Variants in ESRRG observed in about 807,000 individuals in gnomAD.
ESRRG encodes estrogen-related receptor gamma.
In ESRRG, 13 loss-of-function variants were observed where a neutral mutation model predicts 44.0. The observed-to-expected ratio is 0.30, with a 90% CI of 0.19 to 0.47. ESRRG has a LOEUF of 0.47. ESRRG is among the 20% of genes least tolerant of loss of function. The pLI, the probability that ESRRG is intolerant of heterozygous loss-of-function variation, is 1.00. For missense variants in ESRRG, 395 were observed against 580.6 expected (o/e 0.68, Z 3.29); for synonymous variants, 215 against 214.6 (o/e 1.00, Z -0.02).
At chr1:216,697,411 T>C (rs894468982) in intron 1 of ESRRG, among the ~76,000 whole-genome samples, 3 of 152,246 alleles carry the variant, frequency 2.0e-5, no homozygotes, top group Admixed American at 6.5e-5. Context: ...TTAAGCACTT[T>C]AGTAATGTAG....
intron 1 of ESRRG, among the ~76,000 whole-genome samples, chr1:216,705,564 A>G (rs1293988485): frequency 6.6e-6 from 1 of 152,186 alleles, no homozygotes; most frequent in African/African-American, 2.4e-5. Flanking sequence ...AAACAGGCTG[A>G]GCATTATCTA....
intron 2 of ESRRG, among the ~76,000 whole-genome samples, chr1:216,838,544 A>C (rs2095603679): frequency 6.6e-6 from 1 of 152,168 alleles, no homozygotes; most frequent in Non-Finnish European, 1.5e-5. Context: ...ACTGGCCTAG[A>C]TAGGGATCAA....
intron 2 of ESRRG, among the ~76,000 whole-genome samples, chr1:216,833,746 C>T (rs1411275431): frequency 6.6e-6 from 1 of 152,146 alleles, no homozygotes; most frequent in African/African-American, 2.4e-5. Flanking sequence ...TATCACTGTT[C>T]ATCTGAAAAG....
intron 2 of ESRRG, among the ~76,000 whole-genome samples, chr1:216,824,240 A>C (rs2095352048): frequency 2.0e-5 from 3 of 152,104 alleles, no homozygotes; most frequent in Admixed American, 2.0e-4. Context: ...TGAGGTCAGG[A>C]GTTTGAGACC....
intron 1 of ESRRG, among the ~76,000 whole-genome samples, chr1:216,973,243 T>C (rs1339214): frequency 0.49 from 73,716 of 151,986 alleles, 19,653 homozygotes; most frequent in East Asian, 0.73. Flanking sequence ...GCCACAGCCA[T>C]GATACCGGCC....
In ESRRG at chr1:217,085,985, A is replaced by T. The variant is rs575195552; in HGVS notation, c.-106+3522T>A. On this transcript the variant is annotated intron_variant, in intron 1 of 7. Transcript: ENST00000359162. ...TTCACAGCTTTAACAAACTGACAAC[A>T]AAGTGACAAGAGAAAACTTCTTCCT... 2.6e-5 allele frequency among the ~76,000 whole-genome samples: 4 copies of T among 152,316 alleles called. No homozygotes were observed. The South Asian group carries it at 8.3e-4, about 32-fold the overall frequency.
chr1:216,992,276 G>C (rs937601616), intron 1 of ESRRG, among the ~76,000 whole-genome samples: 5 of 152,152 alleles, frequency 3.3e-5, no homozygotes, highest in Non-Finnish European at 7.3e-5. Flanking sequence ...TTCACTAATG[G>C]AGAAGCCTCT....
chr1:216,810,835 G>T (rs2094948134), intron 2 of ESRRG, among the ~76,000 whole-genome samples: 1 of 148,726 alleles, frequency 6.7e-6, no homozygotes, highest in Non-Finnish European at 1.5e-5. Flanking sequence ...ATAACTCTAT[G>T]ATATGTGTGT....
At chr1:216,644,988 T>C (rs990292864) in intron 3 of ESRRG, among the ~76,000 whole-genome samples, 2 of 152,148 alleles carry the variant, frequency 1.3e-5, no homozygotes, top group Non-Finnish European at 1.5e-5. Flanking sequence ...GTGTTGAGAT[T>C]TCAGATGCCC....
chr1:216,739,376 A>G (rs908056512), intron 2 of ESRRG, among the ~76,000 whole-genome samples: 7 of 152,158 alleles, frequency 4.6e-5, no homozygotes, highest in African/African-American at 1.7e-4. Flanking sequence ...GACAACTCCT[A>G]CACATAAACT....
intron 1 of ESRRG, among the ~76,000 whole-genome samples, chr1:216,946,710 C>T (rs11117731): frequency 0.64 from 96,469 of 151,610 alleles, 33,319 homozygotes; most frequent in Middle Eastern, 0.8. Flanking sequence ...TTCCTTTCTT[C>T]CTTTTTTCTT....
chr1:216,654,218 T>A (rs1165390512), intron 2 of ESRRG, among the ~76,000 whole-genome samples: 1 of 152,148 alleles, frequency 6.6e-6, no homozygotes, highest in Non-Finnish European at 1.5e-5. Context: ...GGGTCATTAT[T>A]ATGAATATCA....
At chr1:216,994,456 T>C (rs1257090753) in intron 1 of ESRRG, among the ~76,000 whole-genome samples, 3 of 145,214 alleles carry the variant, frequency 2.1e-5, no homozygotes, top group Non-Finnish European at 4.5e-5. Flanking sequence ...TATAAACCCA[T>C]GTGTGTAAAC....
At chr1:216,784,241 T>A (rs1398363107) in intron 2 of ESRRG, among the ~76,000 whole-genome samples, 1 of 152,064 alleles carries the variant, frequency 6.6e-6, no homozygotes, top group Non-Finnish European at 1.5e-5. Flanking sequence ...TCATTTTCCA[T>A]TTCTCTCCTA....
At position 216,666,011 on chromosome 1, in the gene ESRRG, A is replaced by G. The variant is rs1307631724; in HGVS notation, c.472+11065T>C. On this transcript the variant is annotated intron_variant, in intron 2 of 6. Coordinates refer to ENST00000408911, the MANE Select transcript of ESRRG (RefSeq NM_001438.4). ...ACACATCACTGCCCTGGGCTTTACC[A>G]AAAAAAGAAAATAAAATCCTGACCC... Among the ~76,000 whole-genome samples, 3 of 152,168 alleles carry G rather than the reference A, an allele frequency of 2.0e-5. No homozygotes were observed. The East Asian group carries it at 5.8e-4, about 29-fold the overall frequency.
chr1:216,531,694 A>C (rs998295004), intron 5 of ESRRG, among the ~76,000 whole-genome samples: 1 of 152,136 alleles, frequency 6.6e-6, no homozygotes, highest in African/African-American at 2.4e-5. Context: ...ATGATACACA[A>C]ACCAAACCTG....
chr1:216,945,182 C>A (rs1476267442), intron 1 of ESRRG, among the ~76,000 whole-genome samples: 1 of 151,768 alleles, frequency 6.6e-6, no homozygotes, highest in Non-Finnish European at 1.5e-5. Flanking sequence ...ACCAAGGAGG[C>A]AAAGAAACAA....
chr1:216,736,451 G>A (rs1027103643), intron 2 of ESRRG, among the ~76,000 whole-genome samples: 1 of 152,028 alleles, frequency 6.6e-6, no homozygotes, highest in Non-Finnish European at 1.5e-5. Context: ...CCAAAGTGCT[G>A]GGATTACAGG....
chr1:216,878,206 C>A (rs1459459781), intron 2 of ESRRG, among the ~76,000 whole-genome samples: 1 of 152,140 alleles, frequency 6.6e-6, no homozygotes, highest in African/African-American at 2.4e-5. Context: ...CCAGCTATTT[C>A]TTTAGGATTC....
Sources: allele counts gnomAD v4.1 joint callset (sites outside exome capture counted in the v4.1 genomes callset), GRCh38; gene constraint gnomAD v4.1.1; transcripts MANE v1.5; gene names NCBI Gene and HGNC (gene_info 2026-07-23, HGNC 2026-07-21).